TKT: variants seen among roughly 807,000 people sequenced by gnomAD.
TKT encodes the protein transketolase, also known as epididymis luminal protein 107.
TKT carries 47 observed loss-of-function variants against 63.9 expected under a neutral mutation model. The observed-to-expected ratio is 0.74, with a 90% CI of 0.58 to 0.94. The LOEUF (loss-of-function observed/expected upper bound fraction) is 0.94. TKT is among the 40% of genes least tolerant of loss of function. TKT has a pLI of 0.00. For synonymous variants in TKT, 338 were observed against 334.1 expected, an observed-to-expected ratio of 1.01 and a Z score of -0.13; for missense variants, 721 against 846.2, an observed-to-expected ratio of 0.85 and a Z score of 1.84.
At chr3:53,246,049 A>C (rs1055146013) in intron 1 of TKT, among the ~76,000 whole-genome samples, 5 of 151,712 alleles carry the variant, frequency 3.3e-5, no homozygotes, top group Admixed American at 2.6e-4. Flanking sequence ...GGGTGGATCA[A>C]CTGAGGTCAG....
At chr3:53,255,340 T>C (rs1317347282) in intron 1 of TKT, among the ~76,000 whole-genome samples, 1 of 151,922 alleles carries the variant, frequency 6.6e-6, no homozygotes, top group African/African-American at 2.4e-5. Flanking sequence ...TCAAATCAGA[T>C]CTCCCTGTGT....
chr3:53,226,350 C>G, intron 13 of TKT: 1 of 257,480 alleles, frequency 3.9e-6, no homozygotes, highest in African/African-American at 2.3e-5. Flanking sequence ...CCATCTCTCC[C>G]ACTGGGGCCT....
At position 53,226,842 on chromosome 3, in the gene TKT, ATGG is replaced by A. The variant is rs1553675653; in HGVS notation, c.1607_1609del (p.Thr536del). On this transcript the variant is annotated inframe_deletion, in exon 13 of 14. Coordinates refer to ENST00000462138, the MANE Select transcript of TKT (RefSeq NM_001064.4). ...AATGAGTTTTCTGTCCAGGGGCTTG[ATGG>A]TGAAGGGGTCCAGCACGCGGATGTT... The A allele has an allele frequency of 6.2e-7, 1 of 1,613,664 alleles. No homozygotes were observed. The highest frequency in any genetic ancestry group is 1.1e-5 in the South Asian group (1 of 91,036).
chr3:53,228,546 C>G, intron 10 of TKT, 187 bp from the exon 11 acceptor site: 1 of 624,474 alleles, frequency 1.6e-6, no homozygotes, highest in East Asian at 3.0e-5. Context: ...CTGAGAACTG[C>G]CCACCACCTT....
At chr3:53,240,197 C>G in intron 4 of TKT, 54 bp downstream of exon 4, 1 of 1,564,422 alleles carries the variant, frequency 6.4e-7, no homozygotes. Context: ...GTGGGTCACC[C>G]AAGGACCACT....
At chr3:53,249,651 C>G (rs1414482341) in intron 1 of TKT, among the ~76,000 whole-genome samples, 2 of 152,192 alleles carry the variant, frequency 1.3e-5, no homozygotes, top group Admixed American at 1.3e-4. Context: ...GGCGTCCACA[C>G]TTCCCTTCCA....
chr3:53,230,319 T>C, intron 8 of TKT, 138 bp downstream of exon 8: 1 of 1,137,238 alleles, frequency 8.8e-7, no homozygotes, highest in Non-Finnish European at 1.3e-6. Context: ...GGGTTAACGC[T>C]GGGTCCTGGC....
chr3:53,245,770 G>A (rs781841036), intron 1 of TKT, among the ~76,000 whole-genome samples: 24 of 152,174 alleles, frequency 1.6e-4, no homozygotes, highest in Non-Finnish European at 3.2e-4. Context: ...GGGCAACAGA[G>A]TGAGACTCTG....
intron 4 of TKT, among the ~76,000 whole-genome samples, chr3:53,236,993 T>C (rs73840282): frequency 6.6e-6 from 1 of 152,204 alleles, no homozygotes; most frequent in Admixed American, 6.5e-5. Flanking sequence ...ACATTTGTTG[T>C]AGAACGATTT....
intron 4 of TKT, among the ~76,000 whole-genome samples, chr3:53,237,543 A>G (rs1705090299): frequency 6.8e-6 from 1 of 146,022 alleles, no homozygotes; most frequent in African/African-American, 2.5e-5. Flanking sequence ...CACTGGGATT[A>G]CAGATTTGTA....
chr3:53,247,464 G>A (rs545315477), intron 1 of TKT, among the ~76,000 whole-genome samples: 5 of 150,282 alleles, frequency 3.3e-5, no homozygotes, highest in African/African-American at 7.3e-5. Flanking sequence ...GCAAAACCCC[G>A]CCTCTACTAA....
chr3:53,240,230 G>T, intron 4 of TKT, 21 bp downstream of exon 4: 1 of 1,603,630 alleles, frequency 6.2e-7, no homozygotes, highest in Non-Finnish European at 8.5e-7. Context: ...CCAGGTTGGG[G>T]GTGGGGAGTA....
In TKT at chr3:53,234,993, C is replaced by T. The variant is rs1040051103; in HGVS notation, c.619G>A (p.Glu207Lys). ...HQMDIYQKRC[E>K]AFGWHAIIVD... ...CAGCCTCGTACATACCCGAAGGCCT[C>T]GCACCGCTTCTGGTAGATGTCCATC... The change falls in exon 5 of 14, where the codon GAG becomes AAG. Residue 207 changes from glutamate (E) to lysine (K), a missense_variant. Physicochemically the swap from Glu to Lys is moderately conservative, Grantham distance 56. Coordinates refer to ENST00000462138, the MANE Select transcript of TKT (RefSeq NM_001064.4). 3.1e-6 allele frequency: 5 copies of T among 1,612,566 alleles called. No homozygotes were observed. Among genetic ancestry groups the T allele is most frequent in the Admixed American group, 1.7e-5 (1 of 59,926 alleles).
chr3:53,251,306 G>T (rs1195004774), intron 1 of TKT, among the ~76,000 whole-genome samples: 1 of 152,216 alleles, frequency 6.6e-6, no homozygotes, highest in Non-Finnish European at 1.5e-5. Flanking sequence ...TCTGGCCCTG[G>T]TGAGAACTGA....
chr3:53,233,131 G>C (rs1553677554), intron 6 of TKT, 25 bp downstream of exon 6: 1 of 1,598,906 alleles, frequency 6.3e-7, no homozygotes, highest in Non-Finnish European at 8.6e-7. Context: ...GGTGAAGGTG[G>C]GGAGGGCGGC....
At chr3:53,236,602 G>A (rs1354562062) in intron 4 of TKT, among the ~76,000 whole-genome samples, 1 of 152,176 alleles carries the variant, frequency 6.6e-6, no homozygotes, top group Admixed American at 6.5e-5. Context: ...TCCAGAAAGG[G>A]GCCACATGAT....
intron 3 of TKT, 46 bp downstream of exon 3, chr3:53,241,086 A>C: frequency 6.8e-7 from 1 of 1,476,852 alleles, no homozygotes; most frequent in South Asian, 1.4e-5. Flanking sequence ...TCTGGGAAAT[A>C]GGAAGTGGAG....
At position 53,244,073 on chromosome 3, in the gene TKT, G is replaced by A. The variant is rs1705403316; in HGVS notation, c.108-1831C>T. ...CAGGCCCAGATAGAGTAAACGTGGAGAGAGGAAGGTCAGCTGCGAGGTGAC... is the reference window on the plus strand; with the variant it reads ...CAGGCCCAGATAGAGTAAACGTGGAAAGAGGAAGGTCAGCTGCGAGGTGAC... On this transcript the variant is annotated intron_variant, in intron 1 of 13. Transcript: ENST00000462138. 1.3e-5 allele frequency among the ~76,000 whole-genome samples: 2 copies of A among 152,242 alleles called. 1 individual carries two copies. The highest frequency in any genetic ancestry group is 2.9e-5 in the Non-Finnish European group (2 of 68,048).
rs1704945571 is a variant in TKT at position 53,234,968 on chromosome 3, C to T, written c.629+15G>A. On this transcript the variant is annotated intron_variant, in intron 5 of 13. Transcript: ENST00000462138. ...CCGTGCTGTGACCACACTCAGGCCA[C>T]AGCCTCGTACATACCCGAAGGCCTC... 1 of 1,594,868 alleles carries T rather than the reference C, an allele frequency of 6.3e-7. No homozygotes were observed. The highest frequency in any genetic ancestry group is 8.6e-7 in the Non-Finnish European group (1 of 1,167,832).
Sources: allele counts gnomAD v4.1 joint callset (sites outside exome capture counted in the v4.1 genomes callset), GRCh38; gene constraint gnomAD v4.1.1; transcripts MANE v1.5; gene names NCBI Gene and HGNC (gene_info 2026-07-23, HGNC 2026-07-21).